The following SORCS3 variants were observed in gnomAD, a reference collection of about 807,000 sequenced individuals.
SORCS3 encodes the protein VPS10 domain-containing receptor SorCS3.
Under a neutral mutation model 146.3 loss-of-function variants are expected in SORCS3, and 57 were observed. The observed-to-expected ratio is 0.39, with a 90% CI of 0.31 to 0.49. The LOEUF (loss-of-function observed/expected upper bound fraction) is 0.49, where lower values mean the gene tolerates loss of function less well. Among genes scored for constraint, SORCS3 ranks in the 20% least tolerant of loss-of-function variants. The pLI is 0.92. For synonymous variants in SORCS3, 653 were observed against 618.5 expected (o/e 1.06, Z -0.83); for missense variants, 1,341 against 1,575.5 (o/e 0.85, Z 2.52).
chr10:104,822,210 G>A (rs1341584529), intron 1 of SORCS3: 4 of 426,426 alleles, frequency 9.4e-6, no homozygotes, highest in African/African-American at 8.1e-5. Context: ...AGCACACGTT[G>A]TCTGTTTCTT....
chr10:104,809,343 G>C (rs534017791), intron 1 of SORCS3, among the ~76,000 whole-genome samples: 1 of 152,268 alleles, frequency 6.6e-6, no homozygotes, highest in South Asian at 2.1e-4. Flanking sequence ...GCTCCTGGGG[G>C]TTGGCTGGCT....
intron 1 of SORCS3, among the ~76,000 whole-genome samples, chr10:104,686,669 T>C (rs774424991): frequency 6.6e-5 from 10 of 152,132 alleles, no homozygotes; most frequent in Non-Finnish European, 1.2e-4. Context: ...CATTCCTATC[T>C]GTCCAGTACC....
intron 7 of SORCS3, among the ~76,000 whole-genome samples, chr10:105,131,211 A>G (rs2056015907): frequency 6.6e-6 from 1 of 152,222 alleles, no homozygotes; most frequent in South Asian, 2.1e-4. Flanking sequence ...AACTGAATTA[A>G]TGAGCAAAGG....
chr10:104,736,240 C>G (rs1273514579), intron 1 of SORCS3, among the ~76,000 whole-genome samples: 1 of 152,200 alleles, frequency 6.6e-6, no homozygotes, highest in Non-Finnish European at 1.5e-5. Context: ...GTTTGCCCTC[C>G]GTGAGACCCT....
intron 1 of SORCS3, among the ~76,000 whole-genome samples, chr10:104,671,110 T>C (rs2015845689): frequency 6.6e-6 from 1 of 151,908 alleles, no homozygotes. Flanking sequence ...ATTTTACTTC[T>C]TTCTTTCCAA....
In SORCS3 at chr10:105,264,595, C is replaced by G. The variant is rs970246126; in HGVS notation, c.*1221C>G. ...CTCTCCAGGCCAAGTAGGGGTCTAG[C>G]CTTTAATGATATTAGTCAAAGGCAA... On this transcript the variant is annotated 3_prime_UTR_variant, in exon 27 of 27. Coordinates refer to ENST00000369701, the MANE Select transcript of SORCS3 (RefSeq NM_014978.3). 6.6e-6 allele frequency: 1 copy of G among 152,574 alleles called. No homozygotes were observed. Among genetic ancestry groups the G allele is most frequent in the African/African-American group, 2.4e-5 (1 of 41,432 alleles). 9.5% of individuals were successfully genotyped at this position (152,574 alleles called of 1,614,324 possible).
At position 105,004,958 on chromosome 10, in the gene SORCS3, T is replaced by G. The variant is rs192028676; in HGVS notation, c.954+27465T>G. Among the ~76,000 whole-genome samples, 191 of 152,244 alleles carry G rather than the reference T, an allele frequency of 1.3e-3. 1 individual carries two copies. Among genetic ancestry groups the G allele is most frequent in the African/African-American group, 4.5e-3 (188 of 41,532 alleles). ...AACTATAACCATGGAGAGGCAACCA[T>G]GAATATGGAAAGGGCATTTGATGTG... is the stretch of plus-strand genomic sequence containing the variant. On this transcript the variant is annotated intron_variant, in intron 4 of 26. Transcript: ENST00000369701.
intron 9 of SORCS3, among the ~76,000 whole-genome samples, chr10:105,155,371 T>A (rs574070976): frequency 6.6e-6 from 1 of 152,148 alleles, no homozygotes; most frequent in Non-Finnish European, 1.5e-5. Flanking sequence ...CCAAATATTT[T>A]CATCCAAGAA....
At chr10:104,915,515 G>C (rs978103076) in intron 2 of SORCS3, among the ~76,000 whole-genome samples, 1 of 143,774 alleles carries the variant, frequency 7.0e-6, no homozygotes, top group Non-Finnish European at 1.5e-5. Context: ...CACAGAGCTG[G>C]GGTGGGGGGG....
At chr10:104,732,222 T>C (rs771122773) in intron 1 of SORCS3, among the ~76,000 whole-genome samples, 6 of 152,146 alleles carry the variant, frequency 3.9e-5, no homozygotes, top group South Asian at 2.1e-4. Flanking sequence ...ATGTGCAAAG[T>C]AAGCAAGAAA....
intron 2 of SORCS3, among the ~76,000 whole-genome samples, chr10:104,867,323 T>C (rs2018470684): frequency 6.6e-6 from 1 of 151,480 alleles, no homozygotes; most frequent in African/African-American, 2.4e-5. Context: ...TTTTTTTTTT[T>C]TTTTGAGACG....
chr10:105,139,631 C>T, intron 8 of SORCS3, 145 bp downstream of exon 8: 1 of 597,600 alleles, frequency 1.7e-6, no homozygotes, highest in South Asian at 2.2e-5. Context: ...CGTTTGGCCT[C>T]CCTTAGTGGT....
At chr10:105,056,208 T>C (rs1398030853) in intron 5 of SORCS3, among the ~76,000 whole-genome samples, 1 of 152,234 alleles carries the variant, frequency 6.6e-6, no homozygotes, top group East Asian at 1.9e-4. Flanking sequence ...AGTTAGTTAG[T>C]TGATCCGCTA....
intron 14 of SORCS3, among the ~76,000 whole-genome samples, chr10:105,199,144 C>T (rs575800294): frequency 3.9e-4 from 59 of 152,138 alleles, no homozygotes; most frequent in African/African-American, 1.3e-3. Context: ...GCAGCATGAT[C>T]GGTCTCCCCT....
At chr10:105,010,244 G>T (rs1564734179) in intron 4 of SORCS3, among the ~76,000 whole-genome samples, 1 of 152,146 alleles carries the variant, frequency 6.6e-6, no homozygotes, top group Non-Finnish European at 1.5e-5. Flanking sequence ...AAACTGTAAG[G>T]TAACATATGA....
chr10:104,962,916 A>G (rs2054804639), intron 3 of SORCS3, among the ~76,000 whole-genome samples: 1 of 152,244 alleles, frequency 6.6e-6, no homozygotes, highest in African/African-American at 2.4e-5. Flanking sequence ...ATGTTTAACA[A>G]AATTGAGATG....
At chr10:104,771,788 C>A (rs556730771) in intron 1 of SORCS3, among the ~76,000 whole-genome samples, 1 of 151,768 alleles carries the variant, frequency 6.6e-6, no homozygotes, top group Admixed American at 6.6e-5. Flanking sequence ...TTGACCCCTT[C>A]AAGCAACCTG....
chr10:105,192,789 C>G (rs1252283341), intron 14 of SORCS3, among the ~76,000 whole-genome samples: 2 of 152,110 alleles, frequency 1.3e-5, no homozygotes, highest in Non-Finnish European at 2.9e-5. Flanking sequence ...TGTGGTCAAC[C>G]ATTCTCTTCT....
chr10:104,645,231 C>A (rs1171320944), intron 1 of SORCS3, among the ~76,000 whole-genome samples: 1 of 152,174 alleles, frequency 6.6e-6, no homozygotes, highest in African/African-American at 2.4e-5. Context: ...CAGTTGCCTC[C>A]AGCTGGAATC....
Sources: gnomAD v4.1 joint callset for allele counts (sites outside exome capture counted in the v4.1 genomes callset) on GRCh38, gnomAD v4.1.1 for gene constraint, MANE v1.5 for transcripts, NCBI Gene and HGNC (gene_info 2026-07-23, HGNC 2026-07-21) for gene names.